Variants in CHRNA6 observed in about 807,000 individuals in gnomAD.
The protein encoded by CHRNA6 is cholinergic receptor nicotinic alpha 6 subunit.
A neutral mutation model predicts 40.9 loss-of-function variants in CHRNA6; 31 were observed. The ratio of observed to expected loss-of-function variants is 0.76; its 90% CI spans 0.57 to 1.02. The LOEUF is 1.02. CHRNA6 is among the 50% of genes least tolerant of loss of function. The probability of loss-of-function intolerance (pLI) is 0.00; values close to 1 mark genes in which losing one functional copy is unlikely to be tolerated. For synonymous variants in CHRNA6, 222 were observed against 221.3 expected (o/e 1.00, Z -0.03); for missense variants, 546 against 596.6 (o/e 0.92, Z 0.88).
intron 2 of CHRNA6, among the ~76,000 whole-genome samples, chr8:42,760,128 T>C (rs1421205357): frequency 6.6e-6 from 1 of 152,170 alleles, no homozygotes; most frequent in African/African-American, 2.4e-5. Context: ...AATACATCTA[T>C]ACTATAACAT....
At chr8:42,759,977 C>T (rs1455682421) in intron 2 of CHRNA6, among the ~76,000 whole-genome samples, 1 of 151,856 alleles carries the variant, frequency 6.6e-6, no homozygotes, top group African/African-American at 2.4e-5. Flanking sequence ...GCGAAGCCAC[C>T]ACTTCGATCG....
chr8:42,765,093 T>C lies in CHRNA6; in HGVS notation c.191A>G (p.Glu64Gly), dbSNP rs1184151318. Residue 64 changes from glutamate to glycine, a missense_variant, in exon 2 of 6, where the codon GAA (glutamate) becomes GGA (glycine). Transcript: ENST00000276410. ...NVSDPVTVHF[E>G]VAITQLANVD... Reference sequence around the variant, plus strand: ...GTTGGCCAGCTGGGTGATGGCCACTTCAAAGTGTACCGTGACAGGGTCGGA... The same window carrying C: ...GTTGGCCAGCTGGGTGATGGCCACTCCAAAGTGTACCGTGACAGGGTCGGA... The C allele has an allele frequency of 3.7e-6, 6 of 1,614,174 alleles. No homozygotes were observed. Among genetic ancestry groups the C allele is most frequent in the Non-Finnish European group, 5.1e-6 (6 of 1,180,024 alleles).
At chr8:42,768,324 T>C (rs1307773255) in intron 1 of CHRNA6, 28 bp downstream of exon 1, 1 of 1,560,588 alleles carries the variant, frequency 6.4e-7, no homozygotes, top group Non-Finnish European at 8.8e-7. Context: ...AAAAAGGGAA[T>C]AGAAGATAAA....
chr8:42,755,872 T>C lies in CHRNA6; in HGVS notation c.1327A>G (p.Met443Val). 1 of 1,614,068 alleles carries C rather than the reference T, an allele frequency of 6.2e-7. No homozygotes were observed. Among genetic ancestry groups the C allele is most frequent in the Non-Finnish European group, 8.5e-7 (1 of 1,179,988 alleles). Reference protein sequence around the residue: ...INSVQFIAENMKSHNETKEVE... With the variant: ...INSVQFIAENVKSHNETKEVE... ...TCCTTGGTTTCATTGTGGCTCTTCA[T>C]GTTTTCTGCTATGAACTGAACACTG... Residue 443 changes from methionine to valine, a missense_variant, in exon 5 of 6, where the codon ATG (methionine) becomes GTG (valine). This residue lies in a region of CHRNA6 where 65 missense variants were observed against 83.8 expected (regional missense o/e 0.78). Coordinates refer to ENST00000276410, the MANE Select transcript of CHRNA6 (RefSeq NM_004198.3).
At chr8:42,766,373 T>C (rs1816975252) in intron 1 of CHRNA6, among the ~76,000 whole-genome samples, 1 of 151,998 alleles carries the variant, frequency 6.6e-6, no homozygotes, top group South Asian at 2.1e-4. Flanking sequence ...GCGCCTGTAG[T>C]CCCAGCTACT....
chr8:42,766,685 C>A (rs980832896), intron 1 of CHRNA6, among the ~76,000 whole-genome samples: 3 of 152,070 alleles, frequency 2.0e-5, no homozygotes, highest in Non-Finnish European at 4.4e-5. Context: ...GGGAGCTGAA[C>A]AATGAGGACA....
intron 5 of CHRNA6, 110 bp downstream of exon 5, chr8:42,755,736 G>T: frequency 1.6e-6 from 2 of 1,283,202 alleles, no homozygotes; most frequent in South Asian, 1.4e-5. Context: ...GAGCAAGGCC[G>T]CCTGACCCTC....
chr8:42,763,763 AT>A (rs1816936644), intron 2 of CHRNA6, among the ~76,000 whole-genome samples: 1 of 152,082 alleles, frequency 6.6e-6, no homozygotes, highest in African/African-American at 2.4e-5. Context: ...ATCTGGCTTT[AT>A]TTTTTTCAGC....
At position 42,756,224 on chromosome 8, in the gene CHRNA6, C is replaced by T. The variant is rs185610062; in HGVS notation, c.975G>A (p.Leu325=). 3 of 1,614,188 alleles carry T rather than the reference C, an allele frequency of 1.9e-6. No individual in the cohort carries two copies. In the Admixed American group the frequency reaches 5.0e-5, roughly 27 times the overall value. Reference sequence around the variant, plus strand: ...TGGTTGGGGTGCGGTAGTGTATGTTCAACACAAACACAGTCACCACGATGG... The same window carrying T: ...TGGTTGGGGTGCGGTAGTGTATGTTTAACACAAACACAGTCACCACGATGG... ...TLSIVVTVFV[L]NIHYRTPTTH... The change falls in exon 5 of 6, where the codon TTG becomes TTA. Residue 325 remains leucine, a synonymous_variant. Coordinates refer to ENST00000276410, the MANE Select transcript of CHRNA6 (RefSeq NM_004198.3).
intron 1 of CHRNA6, 72 bp downstream of exon 1, chr8:42,768,280 G>T: frequency 1.6e-6 from 2 of 1,237,640 alleles, no homozygotes; most frequent in Non-Finnish European, 2.3e-6. Flanking sequence ...ATCTTCTCAA[G>T]CACAACTAGA....
intron 2 of CHRNA6, among the ~76,000 whole-genome samples, chr8:42,761,389 T>A (rs1343777099): frequency 6.6e-6 from 1 of 152,186 alleles, no homozygotes; most frequent in Non-Finnish European, 1.5e-5. Context: ...ATAAATCCAC[T>A]CACTGTTGGT....
chr8:42,765,023 G>A (rs762385114), intron 2 of CHRNA6, 42 bp downstream of exon 2: 1 of 1,594,892 alleles, frequency 6.3e-7, no homozygotes, highest in African/African-American at 1.3e-5. Flanking sequence ...ACCTGCAAAA[G>A]TGTAACAATG....
chr8:42,768,336 C>T lies in CHRNA6; in HGVS notation c.79+16G>A, dbSNP rs1350082336. ...GCTAAAAAGGGAATAGAAGATAAAG[C>T]AGAAATGAAACCTACCTTTAAAGAA... On this transcript the variant is annotated intron_variant, in intron 1 of 5. Coordinates refer to ENST00000276410, the MANE Select transcript of CHRNA6 (RefSeq NM_004198.3). 4 of 1,602,048 alleles carry T rather than the reference C, an allele frequency of 2.5e-6. No individual in the cohort carries two copies. The highest frequency in any genetic ancestry group is 1.7e-6 in the Non-Finnish European group (2 of 1,169,622).
rs1235472708 is a variant in CHRNA6 at position 42,752,727 on chromosome 8, A to G, written c.*452T>C. ...CAAGAAATCAAGGATGCAATAGTTC[A>G]CAAAGTGTTGCAAACAGTTCACAAA... On this transcript the variant is annotated 3_prime_UTR_variant, in exon 6 of 6. Transcript: ENST00000276410. 6.5e-6 allele frequency: 1 copy of G among 153,866 alleles called. No homozygotes were observed. Among genetic ancestry groups the G allele is most frequent in the Non-Finnish European group, 1.4e-5 (1 of 69,498 alleles). The allele number at this position is 153,866 out of a possible 1,614,324, so 9.5% of individuals were successfully genotyped here.
chr8:42,761,426 G>A (rs1048127136), intron 2 of CHRNA6, among the ~76,000 whole-genome samples: 6 of 152,240 alleles, frequency 3.9e-5, no homozygotes, highest in Non-Finnish European at 8.8e-5. Context: ...CTGCAGTCTC[G>A]GTTCCAGGAA....
Position 42,764,892 on chromosome 8 carries a change from C to T in CHRNA6, c.219+173G>A, listed in dbSNP as rs1015894181. 9.2e-6 allele frequency: 6 copies of T among 649,602 alleles called. No homozygotes were observed. In the Admixed American group the frequency reaches 1.2e-4, roughly 13 times the overall value. The allele number at this position is 649,602 out of a possible 1,614,324, so 40.2% of individuals were successfully genotyped here. The stretch of plus-strand genomic sequence containing the variant: ...AAAGCACTTCCAGGAAAAACACTGC[C>T]TCACACAGACAGTTACAGCATTGGT... On this transcript the variant is annotated intron_variant, in intron 2 of 5. Transcript: ENST00000276410.
intron 5 of CHRNA6, 110 bp from the exon 6 acceptor site, chr8:42,753,420 G>A (rs7845663): frequency 0.21 from 222,711 of 1,057,372 alleles, 29,132 homozygotes; most frequent in African/African-American, 0.59. Context: ...TCTCCGGCAC[G>A]TTTTAAAGCA....
chr8:42,756,038 C>T lies in CHRNA6; in HGVS notation c.1161G>A (p.Gly387=), dbSNP rs1280334097. Residue 387 remains glycine, a synonymous_variant, in exon 5 of 6, where the codon GGG becomes GGA. Coordinates refer to ENST00000276410, the MANE Select transcript of CHRNA6 (RefSeq NM_004198.3). ...AGCATTCTTTAAGATGTCTGGGTTC[C>T]CCATGGCTTGCAAGCTTGCCTTTGG... ...RPAKGKLASH[G]EPRHLKECFH... 1 of 1,614,116 alleles carries T rather than the reference C, an allele frequency of 6.2e-7. No homozygotes were observed. Among genetic ancestry groups the T allele is most frequent in the Non-Finnish European group, 8.5e-7 (1 of 1,180,054 alleles).
chr8:42,756,348 ACAGT>A lies in CHRNA6; in HGVS notation c.847_850del (p.Thr283CysfsTer28), dbSNP rs763061271. ...GGTTTCTGTGATGACCAGCAAAAAC[ACAGT>A]CAGAGAAAGCAGGACTGAAATACAA... is the stretch of plus-strand genomic sequence containing the variant. On this transcript the variant is annotated frameshift_variant, in exon 5 of 6. Coordinates refer to ENST00000276410, the MANE Select transcript of CHRNA6 (RefSeq NM_004198.3). LOFTEE classifies it high-confidence loss of function. 2.5e-6 allele frequency: 4 copies of A among 1,614,148 alleles called. No homozygotes were observed. The highest frequency in any genetic ancestry group is 2.2e-5 in the South Asian group (2 of 91,088).
Sources: allele counts gnomAD v4.1 joint callset (sites outside exome capture counted in the v4.1 genomes callset), GRCh38; gene constraint gnomAD v4.1.1; regional missense constraint gnomAD v4.1.1; transcripts MANE v1.5; gene names NCBI Gene and HGNC (gene_info 2026-07-23, HGNC 2026-07-21).